MCOLN3: variants seen among roughly 807,000 people sequenced by gnomAD.
The protein encoded by MCOLN3 is mucolipin TRP cation channel 3, also known as mucolipin-3.
A neutral mutation model predicts 69.4 loss-of-function variants in MCOLN3; 62 were observed. The ratio of observed to expected loss-of-function variants is 0.89; its 90% CI spans 0.73 to 1.10. The LOEUF is 1.10. Ranked by LOEUF, MCOLN3 falls within the 50% of genes least tolerant of loss-of-function variation. The pLI is 0.00. For missense variants in MCOLN3, 564 were observed against 656.4 expected (o/e 0.86, Z 1.54); for synonymous variants, 183 against 217.0 (o/e 0.84, Z 1.38).
chr1:85,036,664 ACTCTGCCC>A (rs1652818932), intron 3 of MCOLN3: 1 of 151,872 alleles, frequency 6.6e-6, no homozygotes, highest in South Asian at 2.1e-4. Context: ...CCTGGCCCTA[ACTCTGCCC>A]CCTCATACTT....
chr1:85,033,919 G>T (rs949058088), intron 4 of MCOLN3, among the ~76,000 whole-genome samples, 179 bp downstream of exon 4: 9 of 152,054 alleles, frequency 5.9e-5, no homozygotes, highest in African/African-American at 2.2e-4. Context: ...GTTTCCTTGA[G>T]GATTCTTGAG....
chr1:85,033,081 T>A, intron 4 of MCOLN3, 125 bp from the exon 5 acceptor site: 1 of 868,204 alleles, frequency 1.2e-6, no homozygotes, highest in Non-Finnish European at 1.8e-6. Context: ...TTTTCTGAAT[T>A]AAAATTTTAA....
chr1:85,044,955 A>T (rs1040861073), intron 2 of MCOLN3, among the ~76,000 whole-genome samples, 178 bp downstream of exon 2: 2 of 152,224 alleles, frequency 1.3e-5, no homozygotes, highest in Non-Finnish European at 2.9e-5. Flanking sequence ...AAGAAAAAAG[A>T]AGACAAACTC....
At chr1:85,033,098 A>G in intron 4 of MCOLN3, 142 bp from the exon 5 acceptor site, 1 of 773,872 alleles carries the variant, frequency 1.3e-6, no homozygotes, top group Non-Finnish European at 2.1e-6. Flanking sequence ...TTAAAAGCTA[A>G]ATAAACATTG....
At chr1:85,039,105 A>G (rs1652939944) in intron 3 of MCOLN3, among the ~76,000 whole-genome samples, 1 of 151,656 alleles carries the variant, frequency 6.6e-6, no homozygotes, top group Non-Finnish European at 1.5e-5. Context: ...AACACTCAAA[A>G]CCCTACTTAT....
At chr1:85,022,048 G>GA in intron 11 of MCOLN3, 22 bp downstream of exon 11, 1 of 1,604,800 alleles carries the variant, frequency 6.2e-7, no homozygotes, top group African/African-American at 1.3e-5. Flanking sequence ...ATAGTAACAG[G>GA]AAAAAAGTTG....
intron 3 of MCOLN3, among the ~76,000 whole-genome samples, chr1:85,036,082 T>C (rs891869661): frequency 1.3e-5 from 2 of 152,212 alleles, no homozygotes; most frequent in Non-Finnish European, 1.5e-5. Context: ...TCTTCTATAC[T>C]TATTTACTAC....
chr1:85,019,233 C>G lies in MCOLN3; in HGVS notation c.1552G>C (p.Glu518Gln), dbSNP rs1330198426. 3 of 1,613,702 alleles carry G rather than the reference C, an allele frequency of 1.9e-6. No homozygotes were observed. The highest frequency in any genetic ancestry group is 2.5e-6 in the Non-Finnish European group (3 of 1,179,842). ...IKQYQQDGFPETELRTFISEC... is the reference protein window; with the variant it reads ...IKQYQQDGFPQTELRTFISEC... ...GATATAAATGTACGAAGTTCAGTCT[C>G]TGGGAAGCCATCTTGTTGGTATTGC... is the stretch of plus-strand genomic sequence containing the variant. Residue 518 changes from glutamate to glutamine, a missense_variant, in exon 13 of 13, where the codon GAG becomes CAG. Coordinates refer to ENST00000370589, the MANE Select transcript of MCOLN3 (RefSeq NM_018298.11).
At chr1:85,027,298 C>T (rs1156967021) in intron 7 of MCOLN3, among the ~76,000 whole-genome samples, 2 of 152,184 alleles carry the variant, frequency 1.3e-5, no homozygotes, top group African/African-American at 4.8e-5. Flanking sequence ...GTATTGAGCA[C>T]ATTTCTTGCC....
chr1:85,030,539 G>A lies in MCOLN3; in HGVS notation c.733-1334C>T, dbSNP rs1329036728. 2.0e-5 allele frequency among the ~76,000 whole-genome samples: 3 copies of A among 152,094 alleles called. No homozygotes were observed. In the East Asian group the frequency reaches 5.8e-4, roughly 29 times the overall value. On this transcript the variant is annotated intron_variant, in intron 6 of 12. Coordinates refer to ENST00000370589, the MANE Select transcript of MCOLN3 (RefSeq NM_018298.11). ...TTTTTGTCTCTGAATCTCTGAAAAG[G>A]TGGGGGGAAGTGACAAATATATTTT...
chr1:85,025,099 G>A (rs557327290), intron 9 of MCOLN3: 1 of 152,406 alleles, frequency 6.6e-6, no homozygotes, highest in Admixed American at 6.5e-5. Flanking sequence ...CATGCAGTCA[G>A]GGCAAGTCCT....
In MCOLN3 at chr1:85,026,036, T is replaced by C. The variant is rs761066830; in HGVS notation, c.998A>G (p.Asp333Gly). The C allele has an allele frequency of 6.2e-7, 1 of 1,601,284 alleles. No individual in the cohort carries two copies. The highest frequency in any genetic ancestry group is 8.5e-7 in the Non-Finnish European group (1 of 1,173,852). Residue 333 changes from aspartate to glycine, a missense_variant, in exon 9 of 13, where the codon GAT becomes GGT. Transcript: ENST00000370589. Reference protein sequence around the residue: ...LHYKKEVSVSDQMEFVNGWYI... With the variant: ...LHYKKEVSVSGQMEFVNGWYI... ...CCATCCATTGACAAATTCCATTTGA[T>C]CAGAAACAGAAACTTCCTTCTTATA...
intron 7 of MCOLN3, among the ~76,000 whole-genome samples, chr1:85,027,906 G>T (rs183393348): frequency 7.2e-4 from 109 of 152,268 alleles, no homozygotes; most frequent in Non-Finnish European, 1.3e-3. Context: ...AAGTTAGACT[G>T]CTCTCTGCTG....
intron 6 of MCOLN3, chr1:85,029,950 G>A (rs1652420834): frequency 6.6e-6 from 1 of 152,194 alleles, no homozygotes; most frequent in South Asian, 2.1e-4. Context: ...TGAAAACTTT[G>A]TCATTTAAAT....
At position 85,021,185 on chromosome 1, in the gene MCOLN3, CT is replaced by C; in HGVS notation, c.1411del (p.Ser471ValfsTer3). On this transcript the variant is annotated frameshift_variant, in exon 12 of 13. Coordinates refer to ENST00000370589, the MANE Select transcript of MCOLN3 (RefSeq NM_018298.11). LOFTEE classifies it high-confidence loss of function. ...FATFAKMQQK[S>X]YLVWLFSRIY... ...TCTACTAAACAGCCAGACTAAGTAA[CT>C]TTTTTGCTGCATTTTTGCAAACGTG... 1 of 1,613,820 alleles carries C rather than the reference CT, an allele frequency of 6.2e-7. No individual in the cohort carries two copies. Among genetic ancestry groups the C allele is most frequent in the Non-Finnish European group, 8.5e-7 (1 of 1,179,872 alleles).
chr1:85,041,411 A>G (rs1055790202), intron 2 of MCOLN3, among the ~76,000 whole-genome samples: 2 of 152,168 alleles, frequency 1.3e-5, no homozygotes, highest in Non-Finnish European at 2.9e-5. Context: ...AATAGAAAAT[A>G]CCCTTTCAAC....
intron 7 of MCOLN3, among the ~76,000 whole-genome samples, chr1:85,026,566 C>A (rs1244774676): frequency 6.6e-6 from 1 of 151,976 alleles, no homozygotes; most frequent in Non-Finnish European, 1.5e-5. Flanking sequence ...ACCATCCTGG[C>A]CAATGCGGTG....
intron 6 of MCOLN3, 64 bp downstream of exon 6, chr1:85,032,625 GATATGAA>G: frequency 9.2e-7 from 1 of 1,084,222 alleles, no homozygotes. Context: ...GTAATCCAAG[GATATGAA>G]ACATTACCAG....
chr1:85,019,119 A>G lies in MCOLN3; in HGVS notation c.*4T>C, dbSNP rs778622476. The G allele has an allele frequency of 6.2e-7, 1 of 1,612,724 alleles. No individual in the cohort carries two copies. Among genetic ancestry groups the G allele is most frequent in the Admixed American group, 1.7e-5 (1 of 59,882 alleles). On this transcript the variant is annotated 3_prime_UTR_variant, in exon 13 of 13. Transcript: ENST00000370589. ...TTCCTCTAAAGTACAGATAAACCTG[A>G]TAGCTACTTTTTACAACAGCAGAAT...
Sources: gnomAD v4.1 joint callset for allele counts (sites outside exome capture counted in the v4.1 genomes callset) on GRCh38, gnomAD v4.1.1 for gene constraint, MANE v1.5 for transcripts, NCBI Gene and HGNC (gene_info 2026-07-23, HGNC 2026-07-21) for gene names.